The following BBS9 variants were observed in gnomAD, a reference collection of about 807,000 sequenced individuals.
BBS9 encodes Bardet-Biedl syndrome 9.
A neutral mutation model predicts 117.7 loss-of-function variants in BBS9; 89 were observed. The observed-to-expected ratio is 0.76, with a 90% CI of 0.64 to 0.90. The LOEUF (loss-of-function observed/expected upper bound fraction) is 0.90, where lower values mean the gene tolerates loss of function less well. BBS9 is among the 40% of genes least tolerant of loss of function. The pLI is 0.00. For missense variants in BBS9, 982 were observed against 1,042.2 expected, an observed-to-expected ratio of 0.94 and a Z score of 0.80; for synonymous variants, 379 against 370.9, an observed-to-expected ratio of 1.02 and a Z score of -0.25.
chr7:33,357,119 A>T (rs943211110), intron 15 of BBS9, among the ~76,000 whole-genome samples: 1 of 151,808 alleles, frequency 6.6e-6, no homozygotes, highest in Admixed American at 6.6e-5. Flanking sequence ...TACAAATTCT[A>T]ATATGAAACT....
chr7:33,306,496 A>G (rs905218904), intron 9 of BBS9, among the ~76,000 whole-genome samples: 4 of 152,152 alleles, frequency 2.6e-5, no homozygotes, highest in Admixed American at 6.5e-5. Context: ...TTTACAATCA[A>G]TAAATTGTTT....
chr7:33,347,151 A>T (rs1303122707), intron 12 of BBS9, among the ~76,000 whole-genome samples: 1 of 152,160 alleles, frequency 6.6e-6, no homozygotes, highest in East Asian at 1.9e-4. Context: ...ATGGTTTATG[A>T]TGGTACCTGT....
At chr7:33,450,022 C>T (rs73103557) in intron 19 of BBS9, among the ~76,000 whole-genome samples, 14,722 of 152,204 alleles carry the variant, frequency 0.097, 996 homozygotes, top group Non-Finnish European at 0.15. Flanking sequence ...CAACTCTCTA[C>T]CTCCCACTCC....
chr7:33,496,646 A>T (rs2129003709), intron 19 of BBS9, among the ~76,000 whole-genome samples: 1 of 152,234 alleles, frequency 6.6e-6, no homozygotes, highest in Non-Finnish European at 1.5e-5. Context: ...AATACAAAAT[A>T]ATATAATAGC....
intron 21 of BBS9, among the ~76,000 whole-genome samples, chr7:33,559,541 T>C: frequency 6.6e-6 from 1 of 152,152 alleles, no homozygotes; most frequent in East Asian, 1.9e-4. Context: ...AAAAACAGGA[T>C]TGTGTCTTGG....
intron 19 of BBS9, among the ~76,000 whole-genome samples, chr7:33,396,274 G>A (rs1356504885): frequency 6.6e-6 from 1 of 151,950 alleles, no homozygotes; most frequent in Non-Finnish European, 1.5e-5. Context: ...TAGTTGGAAA[G>A]TGATTAGGTT....
At chr7:33,614,390 TATAC>T (rs1865031580) in intron 21 of BBS9, among the ~76,000 whole-genome samples, 1 of 152,064 alleles carries the variant, frequency 6.6e-6, no homozygotes, top group Admixed American at 6.6e-5. Flanking sequence ...TTATATTATG[TATAC>T]ATACATTTTT....
intron 20 of BBS9, among the ~76,000 whole-genome samples, chr7:33,527,621 A>ACTG (rs1849822560): frequency 6.6e-6 from 1 of 152,148 alleles, no homozygotes; most frequent in Non-Finnish European, 1.5e-5. Flanking sequence ...CACGGTGCGC[A>ACTG]CACCCACTGA....
intron 20 of BBS9, among the ~76,000 whole-genome samples, chr7:33,532,829 A>T (rs1311792685): frequency 6.6e-6 from 1 of 152,106 alleles, no homozygotes; most frequent in Non-Finnish European, 1.5e-5. Context: ...CAGGGCTCTT[A>T]CTTCTAATAT....
chr7:33,570,741 G>C (rs1857642864), intron 21 of BBS9, among the ~76,000 whole-genome samples: 1 of 152,194 alleles, frequency 6.6e-6, no homozygotes, highest in South Asian at 2.1e-4. Context: ...TCACACATGT[G>C]ATGCACTGAG....
At chr7:33,565,934 G>A (rs1252161536) in intron 21 of BBS9, among the ~76,000 whole-genome samples, 3 of 148,112 alleles carry the variant, frequency 2.0e-5, no homozygotes, top group Non-Finnish European at 4.5e-5. Context: ...GGTACAAGGT[G>A]AGAAGTGGAA....
At chr7:33,503,412 T>C (rs1295742153) in intron 19 of BBS9, among the ~76,000 whole-genome samples, 6 of 152,182 alleles carry the variant, frequency 3.9e-5, no homozygotes, top group African/African-American at 1.4e-4. Context: ...GCAGAATGCT[T>C]GGCATGCGGC....
chr7:33,302,716 C>A (rs1202125520), intron 9 of BBS9, among the ~76,000 whole-genome samples: 1 of 152,054 alleles, frequency 6.6e-6, no homozygotes, highest in Non-Finnish European at 1.5e-5. Flanking sequence ...TAATGTGATT[C>A]TTTCAGTTTT....
chr7:33,541,562 C>A (rs1237971620), intron 21 of BBS9, among the ~76,000 whole-genome samples: 1 of 152,164 alleles, frequency 6.6e-6, no homozygotes, highest in Non-Finnish European at 1.5e-5. Context: ...TATCCATCAA[C>A]TGATAAATGG....
intron 9 of BBS9, among the ~76,000 whole-genome samples, chr7:33,283,008 A>AT (rs1802196310): frequency 6.6e-6 from 1 of 152,106 alleles, no homozygotes. Context: ...ACTTCCATAC[A>AT]TTTTTTGTAA....
chr7:33,269,034 C>T (rs1201677422), intron 7 of BBS9, among the ~76,000 whole-genome samples: 2 of 152,222 alleles, frequency 1.3e-5, no homozygotes, highest in Non-Finnish European at 2.9e-5. Context: ...TCTAGTTCAG[C>T]TTAAGATAGT....
rs558748015 is a variant in BBS9, at chr7:33,182,923, A to G, written c.442+5332A>G. ...CCAAAAAAGGGATGGGTAGCAGCCC[A>G]TTTCCCATGGGAGTCTTATCTCTCA... On this transcript the variant is annotated intron_variant, in intron 5 of 22. Transcript: ENST00000242067. Among the ~76,000 whole-genome samples, 263 of 152,220 alleles carry G rather than the reference A, an allele frequency of 1.7e-3. 1 individual carries two copies. Among genetic ancestry groups the G allele is most frequent in the African/African-American group, 6.0e-3 (250 of 41,538 alleles).
intron 5 of BBS9, among the ~76,000 whole-genome samples, chr7:33,251,948 A>G (rs774159885): frequency 3.9e-5 from 6 of 152,208 alleles, no homozygotes; most frequent in African/African-American, 1.2e-4. Context: ...TCGCATTGCT[A>G]TAAAGAAATA....
chr7:33,244,683 C>T (rs10225173), intron 5 of BBS9, among the ~76,000 whole-genome samples: 40,104 of 151,884 alleles, frequency 0.26, 5,980 homozygotes, highest in Admixed American at 0.41. Flanking sequence ...CAACCCATTG[C>T]GGTATAGAGG....
Sources: allele counts gnomAD v4.1 joint callset (sites outside exome capture counted in the v4.1 genomes callset), GRCh38; gene constraint gnomAD v4.1.1; transcripts MANE v1.5; gene names NCBI Gene and HGNC (gene_info 2026-07-23, HGNC 2026-07-21).